The following AGTRAP variants were observed in gnomAD, a reference collection of about 807,000 sequenced individuals.
AGTRAP encodes angiotensin II receptor associated protein, also known as type-1 angiotensin II receptor-associated protein.
AGTRAP carries 7 observed loss-of-function variants against 15.2 expected under a neutral mutation model. The ratio of observed to expected loss-of-function variants is 0.46; its 90% CI spans 0.26 to 0.87. The LOEUF is 0.87. Among genes scored for constraint, AGTRAP ranks in the 40% least tolerant of loss-of-function variants. AGTRAP has a pLI of 0.15. For synonymous variants in AGTRAP, 74 were observed against 89.6 expected, an observed-to-expected ratio of 0.83 and a Z score of 0.98; for missense variants, 187 against 213.4, an observed-to-expected ratio of 0.88 and a Z score of 0.77.
At chr1:11,740,245 CCT>C (rs1641996576) in intron 1 of AGTRAP, among the ~76,000 whole-genome samples, 1 of 152,220 alleles carries the variant, frequency 6.6e-6, no homozygotes, top group African/African-American at 2.4e-5. Flanking sequence ...GTTACTGGCC[CCT>C]CTTTCCCTGG....
In AGTRAP at chr1:11,736,609, G is replaced by T. The variant is rs369777364; in HGVS notation, c.27+374G>T. Among the ~76,000 whole-genome samples the T allele has an allele frequency of 3.3e-5, 5 of 152,356 alleles. No homozygotes were observed. In the East Asian group the frequency reaches 5.8e-4, roughly 18 times the overall value. On this transcript the variant is annotated intron_variant, in intron 1 of 4. Coordinates refer to ENST00000314340, the MANE Select transcript of AGTRAP (RefSeq NM_020350.5). The stretch of plus-strand genomic sequence containing the variant: ...GGCTTGTAGGCGGCTCACCTCCCCC[G>T]CGCGGGGTCAGGGACTGGGCTTGCC...
Position 11,736,219 on chromosome 1 carries a change from C to A in AGTRAP, c.11C>A (p.Pro4His). 1 of 1,608,050 alleles carries A rather than the reference C, an allele frequency of 6.2e-7. No homozygotes were observed. The highest frequency in any genetic ancestry group is 8.5e-7 in the Non-Finnish European group (1 of 1,177,930). Reference sequence around the variant, plus strand: ...TCGGCCTGAGTCGGGATGGAGCTGCCTGCTGTGAACCTGAAGGTGGCGACG... The same window carrying A: ...TCGGCCTGAGTCGGGATGGAGCTGCATGCTGTGAACCTGAAGGTGGCGACG... MEL[P>H]AVNLKVILLG... is the part of the protein sequence containing the mutation. Residue 4 changes from proline (P) to histidine (H), a missense_variant, in exon 1 of 5, where the codon CCT (proline) becomes CAT (histidine). By Grantham distance (77) the Pro-to-His change is moderately conservative (BLOSUM62 -2). Coordinates refer to ENST00000314340, the MANE Select transcript of AGTRAP (RefSeq NM_020350.5).
chr1:11,743,521 C>T (rs556477234), intron 1 of AGTRAP, among the ~76,000 whole-genome samples: 5 of 151,890 alleles, frequency 3.3e-5, no homozygotes, highest in East Asian at 1.9e-4. Context: ...GCTGGGATTA[C>T]AGGGGTGAGC....
intron 1 of AGTRAP, among the ~76,000 whole-genome samples, chr1:11,739,926 G>A (rs900290016): frequency 6.6e-6 from 1 of 152,224 alleles, no homozygotes; most frequent in Non-Finnish European, 1.5e-5. Flanking sequence ...TGAGGCCTTG[G>A]CGCCTGGACC....
intron 2 of AGTRAP, 67 bp from the exon 3 acceptor site, chr1:11,747,373 G>A (rs535211564): frequency 3.1e-5 from 44 of 1,438,612 alleles, no homozygotes; most frequent in South Asian, 1.1e-4. Flanking sequence ...CTGAGACGCC[G>A]GAGCAGGAGG....
At position 11,750,121 on chromosome 1, in the gene AGTRAP, G is replaced by A. The variant is rs375394701; in HGVS notation, c.409G>A (p.Asp137Asn). 1.2e-6 allele frequency: 2 copies of A among 1,614,068 alleles called. No individual in the cohort carries two copies. Among genetic ancestry groups the A allele is most frequent in the Non-Finnish European group, 1.7e-6 (2 of 1,180,012 alleles). Residue 137 changes from aspartate to asparagine, a missense_variant, in exon 5 of 5, where the codon GAC (aspartate) becomes AAC (asparagine). By Grantham distance (23) the Asp-to-Asn change is conservative. Transcript: ENST00000314340. ...SQDRSAYQTI[D>N]SAEAPADPFA... is the part of the protein sequence containing the mutation. ...GGACCGTAGTGCCTACCAGACGATT[G>A]ACTCAGCAGAGGCGCCCGCAGATCC...
rs1642114211 is a variant in AGTRAP, at chr1:11,744,544, C to G, written c.28-1259C>G. ...TCTGCCCCCCACAGTGCGCCAGCTC[C>G]AGTGTCCCAAGAAATCACCCTCACG... On this transcript the variant is annotated intron_variant, in intron 1 of 4. Transcript: ENST00000314340. 17 of 716,894 alleles carry G rather than the reference C, an allele frequency of 2.4e-5. No homozygotes were observed. The East Asian group carries it at 4.6e-4, about 19-fold the overall frequency. 44.4% of individuals were successfully genotyped at this position (716,894 alleles called of 1,614,324 possible). A position where few individuals can be genotyped will look rare whatever the true frequency, so the allele number is the denominator to read the frequency against.
chr1:11,750,241 G>A lies in AGTRAP; in HGVS notation c.*49G>A, dbSNP rs547210384. 5 of 1,488,886 alleles carry A rather than the reference G, an allele frequency of 3.4e-6. No individual in the cohort carries two copies. The Admixed American group carries it at 7.1e-5, about 21-fold the overall frequency. The allele number at this position is 1,488,886 out of a possible 1,614,324, so 92.2% of individuals were successfully genotyped here. ...CTGCCCCGGGCCTTCCTCGTGCCTG[G>A]GAGGTCGTTCTAGGGATGCTCCTGA... is the stretch of plus-strand genomic sequence containing the variant. On this transcript the variant is annotated 3_prime_UTR_variant, in exon 5 of 5. Coordinates refer to ENST00000314340, the MANE Select transcript of AGTRAP (RefSeq NM_020350.5).
At chr1:11,741,612 C>A (rs971118596) in intron 1 of AGTRAP, among the ~76,000 whole-genome samples, 2 of 152,202 alleles carry the variant, frequency 1.3e-5, no homozygotes, top group South Asian at 2.1e-4. Flanking sequence ...AATGGCTGGA[C>A]AGCACAGCCT....
At chr1:11,741,957 A>G (rs1642039537) in intron 1 of AGTRAP, among the ~76,000 whole-genome samples, 1 of 152,170 alleles carries the variant, frequency 6.6e-6, no homozygotes, top group African/African-American at 2.4e-5. Context: ...GAGCTGAGAA[A>G]GGAATTTCTT....
Position 11,750,199 on chromosome 1 carries a change from C to T in AGTRAP, c.*7C>T, listed in dbSNP as rs779364278. The T allele has an allele frequency of 5.6e-6, 9 of 1,608,274 alleles. No homozygotes were observed. The African/African-American group carries it at 1.2e-4, about 21-fold the overall frequency. Reference sequence around the variant, plus strand: ...AGATGCCCGAGGGTACTGAAGCCAGCCACGCTGCGCCCGGCCCTGCCCCGG... The same window carrying T: ...AGATGCCCGAGGGTACTGAAGCCAGTCACGCTGCGCCCGGCCCTGCCCCGG... On this transcript the variant is annotated 3_prime_UTR_variant, in exon 5 of 5. Transcript: ENST00000314340.
intron 1 of AGTRAP, among the ~76,000 whole-genome samples, chr1:11,740,226 G>A (rs1203083794): frequency 1.3e-5 from 2 of 152,232 alleles, no homozygotes; most frequent in East Asian, 3.8e-4. Flanking sequence ...CAGTGGTTTT[G>A]TCCTGACAGT....
rs1642150663 is a variant in AGTRAP at position 11,745,897 on chromosome 1, G to T, written c.62+60G>T. The T allele has an allele frequency of 6.2e-7, 1 of 1,603,278 alleles. No individual in the cohort carries two copies. The highest frequency in any genetic ancestry group is 8.5e-7 in the Non-Finnish European group (1 of 1,170,276). On this transcript the variant is annotated intron_variant, in intron 2 of 4. Transcript: ENST00000314340. This position sits in a 1 kb window ranked among gnomAD's most constrained non-coding sequence, Gnocchi z 4.2. ...GCGGTCTCAGGGTCTGTGTCAGCCG[G>T]GTCAGGTCCTGGTTCTGCCGTGTTT...
chr1:11,747,007 AC>A lies in AGTRAP; in HGVS notation c.63-432del, dbSNP rs1642180722. 4.6e-5 allele frequency among the ~76,000 whole-genome samples: 7 copies of A among 152,312 alleles called. No individual in the cohort carries two copies. In the South Asian group the frequency reaches 1.4e-3, roughly 32 times the overall value. ...TGTCAGGGTAGAGGGCGCCCGCCGCACAGGGCAGTGGCTGGGAGGTCAGTAG... is the reference window on the plus strand; with the variant it reads ...TGTCAGGGTAGAGGGCGCCCGCCGCAAGGGCAGTGGCTGGGAGGTCAGTAG... On this transcript the variant is annotated intron_variant, in intron 2 of 4. Coordinates refer to ENST00000314340, the MANE Select transcript of AGTRAP (RefSeq NM_020350.5).
At chr1:11,749,524 A>AGAGTAGGG (rs1328951346) in intron 4 of AGTRAP, among the ~76,000 whole-genome samples, 5 of 152,338 alleles carry the variant, frequency 3.3e-5, no homozygotes, top group African/African-American at 1.2e-4. Context: ...ATGAATGTAC[A>AGAGTAGGG]GAGTAGGGGA....
rs1642149666 is a variant in AGTRAP at position 11,745,867 on chromosome 1, C to T, written c.62+30C>T. On this transcript the variant is annotated intron_variant, in intron 2 of 4. Coordinates refer to ENST00000314340, the MANE Select transcript of AGTRAP (RefSeq NM_020350.5). This position sits in a 1 kb window ranked among gnomAD's most constrained non-coding sequence, Gnocchi z 4.2. ...GTGACTCTGTGGGTATCTTGTGTGT[C>T]TCCTGCGGTCTCAGGGTCTGTGTCA... 1 of 1,613,638 alleles carries T rather than the reference C, an allele frequency of 6.2e-7. No homozygotes were observed. The highest frequency in any genetic ancestry group is 1.3e-5 in the African/African-American group (1 of 74,914).
chr1:11,736,999 C>T (rs888975586), intron 1 of AGTRAP, among the ~76,000 whole-genome samples: 2 of 152,150 alleles, frequency 1.3e-5, no homozygotes, highest in African/African-American at 4.8e-5. Flanking sequence ...GGACCTTGGA[C>T]CAAACCGGCC....
At chr1:11,736,859 G>C (rs1385837361) in intron 1 of AGTRAP, among the ~76,000 whole-genome samples, 2 of 147,214 alleles carry the variant, frequency 1.4e-5, no homozygotes, top group East Asian at 3.9e-4. Context: ...CATTTCCCGA[G>C]CCGTGAGCTC....
At chr1:11,747,580 G>T in intron 3 of AGTRAP, 35 bp downstream of exon 3, 7 of 1,601,818 alleles carry the variant, frequency 4.4e-6, no homozygotes, top group Non-Finnish European at 6.0e-6. Flanking sequence ...GCAAGGCGGG[G>T]AGCCGCAGCA....
Sources: allele counts gnomAD v4.1 joint callset (sites outside exome capture counted in the v4.1 genomes callset), GRCh38; gene constraint gnomAD v4.1.1; non-coding constraint Gnocchi (gnomAD v3.1); transcripts MANE v1.5; gene names NCBI Gene and HGNC (gene_info 2026-07-23, HGNC 2026-07-21).